The following PDE10A variants were observed in gnomAD, a reference collection of about 807,000 sequenced individuals.
PDE10A encodes the protein phosphodiesterase 10A.
In PDE10A, 39 loss-of-function variants were observed where a neutral mutation model predicts 97.7. That is an observed-to-expected ratio of 0.40 (90% confidence interval 0.31 to 0.52). The LOEUF is 0.52. Among genes scored for constraint, PDE10A ranks in the 20% least tolerant of loss-of-function variants. The probability of loss-of-function intolerance (pLI) is 0.56; values close to 1 mark genes in which losing one functional copy is unlikely to be tolerated. For synonymous variants in PDE10A, 371 were observed against 376.8 expected (o/e 0.98, Z 0.18); for missense variants, 731 against 1,047.8 (o/e 0.70, Z 4.17).
intron 2 of PDE10A, among the ~76,000 whole-genome samples, chr6:165,493,237 T>C (rs1308750240): frequency 1.3e-5 from 2 of 152,100 alleles, no homozygotes; most frequent in African/African-American, 4.8e-5. Context: ...GTAGAATCAA[T>C]ACTGTGAAAA....
At position 165,816,820 on chromosome 6, in the gene PDE10A, A is replaced by G. The variant is rs552847877; in HGVS notation, c.-615+170709T>C. On this transcript the variant is annotated intron_variant, in intron 1 of 19. Coordinates refer to the PDE10A transcript ENST00000366882. ...TGGGAAATGGGTTCCGGAGGGGGGA[A>G]GGGGCCGTAGAGCTTTTTCTGTTGG... is the stretch of plus-strand genomic sequence containing the variant. 2.0e-4 allele frequency among the ~76,000 whole-genome samples: 30 copies of G among 152,226 alleles called. 1 individual carries two copies. Among genetic ancestry groups the G allele is most frequent in the African/African-American group, 6.5e-4 (27 of 41,552 alleles).
chr6:165,532,873 A>G (rs1421834718), intron 2 of PDE10A, among the ~76,000 whole-genome samples: 3 of 152,084 alleles, frequency 2.0e-5, no homozygotes, highest in Admixed American at 6.5e-5. Flanking sequence ...ACTTGCTTAC[A>G]CACCGGAGTC....
chr6:165,416,378 C>T, intron 11 of PDE10A, 97 bp from the exon 12 acceptor site: 3 of 825,824 alleles, frequency 3.6e-6, no homozygotes, highest in Non-Finnish European at 6.2e-6. Flanking sequence ...ATTAAAAGCA[C>T]TGTTTTACTT....
intron 1 of PDE10A, among the ~76,000 whole-genome samples, chr6:165,783,603 G>A (rs1039265079): frequency 4.6e-5 from 7 of 152,180 alleles, no homozygotes; most frequent in African/African-American, 1.4e-4. Context: ...CACATAGAAT[G>A]AAAACATCAA....
At chr6:165,785,854 C>T (rs1778477799) in intron 1 of PDE10A, among the ~76,000 whole-genome samples, 1 of 152,184 alleles carries the variant, frequency 6.6e-6, no homozygotes, top group Non-Finnish European at 1.5e-5. Flanking sequence ...TTCTGTATTT[C>T]AACAAGGTGA....
chr6:165,927,576 T>C (rs1247217419), intron 1 of PDE10A, among the ~76,000 whole-genome samples: 1 of 149,828 alleles, frequency 6.7e-6, no homozygotes, highest in African/African-American at 2.4e-5. Context: ...GGGAAAGTCT[T>C]GTATTTTCTC....
At chr6:165,896,622 A>C (rs1465060874) in intron 1 of PDE10A, among the ~76,000 whole-genome samples, 3 of 147,710 alleles carry the variant, frequency 2.0e-5, no homozygotes, top group Non-Finnish European at 4.4e-5. Context: ...CCTCCCGGGT[A>C]CACGCCATTC....
chr6:165,489,308 C>A (rs1780091479), intron 2 of PDE10A, among the ~76,000 whole-genome samples: 1 of 152,158 alleles, frequency 6.6e-6, no homozygotes, highest in African/African-American at 2.4e-5. Flanking sequence ...AAGTTGGAAC[C>A]TGGTAGTTCT....
intron 1 of PDE10A, among the ~76,000 whole-genome samples, chr6:165,721,550 C>G (rs1350286151): frequency 6.6e-6 from 1 of 152,184 alleles, no homozygotes; most frequent in Non-Finnish European, 1.5e-5. Flanking sequence ...GTTCCAGATT[C>G]CATCAGTGGT....
At chr6:165,551,489 G>A (rs1045647370) in intron 1 of PDE10A, among the ~76,000 whole-genome samples, 6 of 152,268 alleles carry the variant, frequency 3.9e-5, no homozygotes, top group African/African-American at 9.6e-5. Context: ...CACAGAAAAT[G>A]TTCAAAATAT....
At chr6:165,718,649 C>T (rs1335755449) in intron 1 of PDE10A, among the ~76,000 whole-genome samples, 1 of 151,338 alleles carries the variant, frequency 6.6e-6, no homozygotes, top group South Asian at 2.1e-4. Context: ...CCCACCTTTT[C>T]CCCCCGGACG....
chr6:165,758,718 G>A (rs1793183634), intron 1 of PDE10A, among the ~76,000 whole-genome samples: 1 of 151,648 alleles, frequency 6.6e-6, no homozygotes, highest in South Asian at 2.1e-4. Context: ...GGGGGAGGAG[G>A]ATGAGGAGGA....
At chr6:165,982,343 A>G (rs928305423) in intron 1 of PDE10A, among the ~76,000 whole-genome samples, 4 of 152,192 alleles carry the variant, frequency 2.6e-5, no homozygotes, top group African/African-American at 7.2e-5. Flanking sequence ...ATTTCATCCA[A>G]AACAGAAACT....
intron 1 of PDE10A, among the ~76,000 whole-genome samples, chr6:165,974,599 T>C (rs1436087076): frequency 6.6e-6 from 1 of 152,236 alleles, no homozygotes. Context: ...TGCTGAATGA[T>C]AAAGAGTGCA....
At chr6:165,760,347 A>G (rs922736105) in intron 1 of PDE10A, among the ~76,000 whole-genome samples, 1 of 152,196 alleles carries the variant, frequency 6.6e-6, no homozygotes, top group Admixed American at 6.5e-5. Context: ...CAGCCACCGA[A>G]AAACCAGACA....
chr6:165,669,352 T>C (rs1441106098), intron 1 of PDE10A, among the ~76,000 whole-genome samples: 1 of 152,156 alleles, frequency 6.6e-6, no homozygotes, highest in Non-Finnish European at 1.5e-5. Flanking sequence ...ATTCATTTTA[T>C]TTGGCTCAGA....
chr6:165,459,542 CAGACAGACAGACAGACAGAT>C (rs1562486953), intron 3 of PDE10A, among the ~76,000 whole-genome samples: 7 of 125,870 alleles, frequency 5.6e-5, no homozygotes, highest in East Asian at 4.3e-4. Context: ...GACAGACAGA[CAGACAGACAGACAGACAGAT>C]AGATAGATAA....
chr6:165,875,741 T>G (rs2500469), intron 1 of PDE10A, among the ~76,000 whole-genome samples: 17 of 36,718 alleles, frequency 4.6e-4, no homozygotes, highest in Non-Finnish European at 6.4e-4. Flanking sequence ...GTTTTTTTTT[T>G]TTTTTTGTGT....
At chr6:165,369,239 G>C (rs1434456533) in intron 18 of PDE10A, among the ~76,000 whole-genome samples, 1 of 152,172 alleles carries the variant, frequency 6.6e-6, no homozygotes, top group Non-Finnish European at 1.5e-5. Flanking sequence ...GAATGACTTT[G>C]ACGAGCTGAG....
Sources: allele counts gnomAD v4.1 joint callset (sites outside exome capture counted in the v4.1 genomes callset), GRCh38; gene constraint gnomAD v4.1.1; transcripts MANE v1.5; gene names NCBI Gene and HGNC (gene_info 2026-07-23, HGNC 2026-07-21).